Variants in RAPH1 observed in about 807,000 individuals in gnomAD.
RAPH1 encodes the protein ras-associated and pleckstrin homology domains-containing protein 1.
RAPH1 carries 18 observed loss-of-function variants against 88.1 expected under a neutral mutation model. The ratio of observed to expected loss-of-function variants is 0.20; its 90% CI spans 0.14 to 0.30. The LOEUF (loss-of-function observed/expected upper bound fraction) is 0.30. Among genes scored for constraint, RAPH1 ranks in the 10% least tolerant of loss-of-function variants. The probability of loss-of-function intolerance (pLI) is 1.00; values close to 1 mark genes in which losing one functional copy is unlikely to be tolerated. For synonymous variants in RAPH1, 587 were observed against 559.0 expected (o/e 1.05, Z -0.71); for missense variants, 1,448 against 1,543.2 (o/e 0.94, Z 1.03).
In RAPH1 at chr2:203,440,643, T is replaced by C; in HGVS notation, c.2547A>G (p.Lys849=). ...CCGGTGACAGTGGAGAGGGAGGGGG[T>C]TTTGCACAGAAGCTCTGTTGCTTGG... ...TLPKQQSFCA[K]PPPSPLSPVP... The change falls in exon 14 of 14, where the codon AAA becomes AAG. Residue 849 remains lysine, a synonymous_variant. Coordinates refer to ENST00000319170, the MANE Select transcript of RAPH1 (RefSeq NM_213589.3). 6.5e-7 allele frequency: 1 copy of C among 1,541,438 alleles called. No individual in the cohort carries two copies. The highest frequency in any genetic ancestry group is 8.8e-7 in the Non-Finnish European group (1 of 1,139,398).
At chr2:203,478,071 C>CGT (rs1473014720) in intron 4 of RAPH1, among the ~76,000 whole-genome samples, 1 of 149,776 alleles carries the variant, frequency 6.7e-6, no homozygotes, top group Non-Finnish European at 1.5e-5. Context: ...CTTGCTCAGT[C>CGT]GCCCAGGCTG....
chr2:203,481,720 T>A (rs1687733347), intron 4 of RAPH1, among the ~76,000 whole-genome samples: 1 of 150,284 alleles, frequency 6.7e-6, no homozygotes, highest in African/African-American at 2.4e-5. Context: ...GCCTCCCGAG[T>A]AGCTGGAATT....
Position 203,441,393 on chromosome 2 carries a change from A to C in RAPH1, c.1797T>G (p.Asn599Lys), listed in dbSNP as rs769083740. 1 of 1,560,992 alleles carries C rather than the reference A, an allele frequency of 6.4e-7. No individual in the cohort carries two copies. Among genetic ancestry groups the C allele is most frequent in the Non-Finnish European group, 8.6e-7 (1 of 1,156,216 alleles). ...GGGGCACAAGTGAAGTGTAGGGCCG[A>C]TTCATAGACTCCATTCTGGCCTAAA... The part of the protein sequence containing the change: ...ESSKARMESM[N>K]RPYTSLVPPL... Residue 599 changes from asparagine (N) to lysine (K), a missense_variant, in exon 14 of 14, where the codon AAT (asparagine) becomes AAG (lysine). Physicochemically the swap from Asn to Lys is moderately conservative, Grantham distance 94. Around this residue, in one of 2 missense-constraint regions of RAPH1, gnomAD observed 935 missense variants for 890.1 expected, o/e 1.05. Coordinates refer to ENST00000319170, the MANE Select transcript of RAPH1 (RefSeq NM_213589.3).
intron 1 of RAPH1, among the ~76,000 whole-genome samples, chr2:203,511,086 T>C (rs1217267574): frequency 1.3e-5 from 2 of 152,086 alleles, no homozygotes; most frequent in Admixed American, 1.3e-4. Context: ...ACTGGTGCAC[T>C]TGCCTTATCA....
At chr2:203,465,473 A>AG (rs2098527742) in intron 4 of RAPH1, among the ~76,000 whole-genome samples, 1 of 152,242 alleles carries the variant, frequency 6.6e-6, no homozygotes, top group African/African-American at 2.4e-5. Flanking sequence ...AGTAGTTGCC[A>AG]GGGGTTAAGA....
chr2:203,479,068 C>T (rs936266148), intron 4 of RAPH1, among the ~76,000 whole-genome samples: 1 of 152,078 alleles, frequency 6.6e-6, no homozygotes, highest in East Asian at 1.9e-4. Context: ...GAATGATAAA[C>T]GTAACCAACT....
At chr2:203,517,726 T>C (rs1196268410) in intron 1 of RAPH1, among the ~76,000 whole-genome samples, 1 of 151,690 alleles carries the variant, frequency 6.6e-6, no homozygotes, top group African/African-American at 2.4e-5. Context: ...TTGAAAAAAA[T>C]ATCAAAATAC....
intron 1 of RAPH1, among the ~76,000 whole-genome samples, chr2:203,527,025 C>T (rs936854297): frequency 6.6e-6 from 1 of 152,022 alleles, no homozygotes; most frequent in South Asian, 2.1e-4. Context: ...CTCAGGTGAT[C>T]CGCCCACCTT....
intron 4 of RAPH1, among the ~76,000 whole-genome samples, chr2:203,478,036 GTTTT>G (rs71408938): frequency 2.1e-5 from 3 of 140,318 alleles, no homozygotes; most frequent in Admixed American, 7.2e-5. Flanking sequence ...ATAACTTTTT[GTTTT>G]TTTTTTTTTT....
chr2:203,527,063 C>T (rs888388693), intron 1 of RAPH1, among the ~76,000 whole-genome samples: 2 of 152,082 alleles, frequency 1.3e-5, no homozygotes, highest in Non-Finnish European at 2.9e-5. Context: ...GGATTACAGG[C>T]GTGAGCCACC....
chr2:203,496,910 T>G (rs1688542669), intron 1 of RAPH1, among the ~76,000 whole-genome samples: 2 of 152,224 alleles, frequency 1.3e-5, no homozygotes, highest in Admixed American at 1.3e-4. Flanking sequence ...TCAGCTGGTT[T>G]AAGCAATTCC....
intron 1 of RAPH1, among the ~76,000 whole-genome samples, chr2:203,507,916 A>G (rs1689158640): frequency 6.6e-6 from 1 of 152,086 alleles, no homozygotes; most frequent in Non-Finnish European, 1.5e-5. Context: ...TTTGATCTTA[A>G]GAAATATACA....
intron 2 of RAPH1, among the ~76,000 whole-genome samples, chr2:203,491,648 T>C (rs374840808): frequency 9.2e-5 from 14 of 152,156 alleles, no homozygotes; most frequent in Non-Finnish European, 1.9e-4. Flanking sequence ...GTTGGGACCA[T>C]AGGCATGTGC....
intron 1 of RAPH1, among the ~76,000 whole-genome samples, chr2:203,513,532 CA>C (rs34083519): frequency 0.12 from 5,137 of 41,996 alleles, 169 homozygotes; most frequent in African/African-American, 0.27. Flanking sequence ...GACTCTATTT[CA>C]AAAAAAAAAA....
intron 1 of RAPH1, among the ~76,000 whole-genome samples, chr2:203,520,623 G>A (rs1414075989): frequency 1.3e-5 from 2 of 150,388 alleles, no homozygotes; most frequent in Non-Finnish European, 3.0e-5. Context: ...GTGAAGCTCT[G>A]TCTCAAAAAG....
intron 4 of RAPH1, 48 bp from the exon 5 acceptor site, chr2:203,461,973 A>G (rs770006929): frequency 2.7e-6 from 4 of 1,494,752 alleles, no homozygotes; most frequent in South Asian, 2.4e-5. Flanking sequence ...ATGATGAAAT[A>G]TTTGAGAAAT....
chr2:203,500,113 C>A (rs1294861942), intron 1 of RAPH1, among the ~76,000 whole-genome samples: 3 of 152,100 alleles, frequency 2.0e-5, no homozygotes, highest in Non-Finnish European at 4.4e-5. Context: ...AACATGACAA[C>A]CTCTGTCCTC....
chr2:203,451,596 C>T (rs1307050523), intron 10 of RAPH1, among the ~76,000 whole-genome samples: 2 of 152,184 alleles, frequency 1.3e-5, no homozygotes, highest in African/African-American at 2.4e-5. Context: ...AAACCAGAAG[C>T]TCCACATTTA....
At chr2:203,446,199 A>AC (rs1432277195) in intron 12 of RAPH1, 1 of 152,184 alleles carries the variant, frequency 6.6e-6, no homozygotes, top group Non-Finnish European at 1.5e-5. Flanking sequence ...TTGATGACTT[A>AC]GACAGTTTTG....
Sources: gnomAD v4.1 joint callset for allele counts (sites outside exome capture counted in the v4.1 genomes callset) on GRCh38, gnomAD v4.1.1 for gene constraint, gnomAD v4.1.1 regional missense constraint, MANE v1.5 for transcripts, NCBI Gene and HGNC (gene_info 2026-07-23, HGNC 2026-07-21) for gene names.